Variants in FHL1 observed in about 807,000 individuals in gnomAD.
FHL1 encodes four and a half LIM domains 1, also known as four and a half LIM domains protein 1.
FHL1 carries 1 observed loss-of-function variant against 20.3 expected under a neutral mutation model. The ratio of observed to expected loss-of-function variants is 0.05; its 90% confidence interval spans 0.02 to 0.23. The LOEUF (loss-of-function observed/expected upper bound fraction) is 0.23, where lower values mean the gene tolerates loss of function less well. Among genes scored for constraint, FHL1 ranks in the 10% least tolerant of loss-of-function variants. The pLI is 1.00. For missense variants in FHL1, 177 were observed against 234.0 expected (o/e 0.76, Z 1.59); for synonymous variants, 82 against 88.9 (o/e 0.92, Z 0.44).
Position 136,208,934 on chromosome X carries a change from G to A in FHL1, c.736+293G>A, listed in dbSNP as rs1171335793. 2.9e-4 allele frequency among the ~76,000 whole-genome samples: 30 copies of A among 103,162 alleles called. 1 individual carries two copies. The highest frequency in any genetic ancestry group is 4.8e-4 in the Non-Finnish European group (24 of 50,170). The allele number at this position is 103,162 out of a possible 115,157, so 89.6% of individuals were successfully genotyped here. A position where few individuals can be genotyped will look rare whatever the true frequency, so the allele number is the denominator to read the frequency against. On this transcript the variant is annotated intron_variant, in intron 5 of 5. Coordinates refer to ENST00000370683, the MANE Select transcript of FHL1 (RefSeq NM_001159699.2). Reference sequence around the variant, plus strand: ...CCACTTTGCAGGGGGATTCTGGGGGGAGGGGTGGGAGGAGGGTAGAAAGAA... The same window carrying A: ...CCACTTTGCAGGGGGATTCTGGGGGAAGGGGTGGGAGGAGGGTAGAAAGAA...
At chrX:136,178,555 G>A (rs2073066185) in intron 2 of FHL1, among the ~76,000 whole-genome samples, 1 of 109,048 alleles carries the variant, frequency 9.2e-6, no homozygotes, top group Non-Finnish European at 1.9e-5. Flanking sequence ...GAGATCGCAC[G>A]ACTACACTCC....
At chrX:136,203,205 G>A (rs188441951) in intron 1 of FHL1, among the ~76,000 whole-genome samples, 1 of 112,540 alleles carries the variant, frequency 8.9e-6, no homozygotes, top group East Asian at 2.8e-4. Context: ...ATTCCTAGAA[G>A]TGCCTATTTT....
chrX:136,149,432 T>C, intron 1 of FHL1, among the ~76,000 whole-genome samples: 1 of 112,606 alleles, frequency 8.9e-6, no homozygotes, highest in Admixed American at 9.4e-5. Flanking sequence ...GTCTTTACCT[T>C]CAGTCTTTAA....
In FHL1 at chrX:136,210,415, C is replaced by G; in HGVS notation, c.*390C>G. The G allele has an allele frequency of 5.1e-6, 2 of 395,532 alleles. No individual in the cohort carries two copies. The highest frequency in any genetic ancestry group is 9.5e-6 in the Non-Finnish European group (2 of 211,091). 32.6% of individuals were successfully genotyped at this position (395,532 alleles called of 1,213,427 possible). A position where few individuals can be genotyped will look rare whatever the true frequency, so the allele number is the denominator to read the frequency against. On this transcript the variant is annotated 3_prime_UTR_variant, in exon 6 of 6. Transcript: ENST00000370683. ...CCTCAGCTGGGACCCACCGTGTAGACACACGACATGCAAGAGTTGCAGCGG... is the reference window on the plus strand; with the variant it reads ...CCTCAGCTGGGACCCACCGTGTAGAGACACGACATGCAAGAGTTGCAGCGG...
intron 2 of FHL1, among the ~76,000 whole-genome samples, chrX:136,173,696 CTTTTTTTT>C (rs971227072): frequency 1.1e-5 from 1 of 94,926 alleles, no homozygotes; most frequent in African/African-American, 3.8e-5. Context: ...TGTTTCTTTT[CTTTTTTTT>C]TTTTTTTTTC....
intron 1 of FHL1, among the ~76,000 whole-genome samples, chrX:136,151,569 C>T (rs1399018421): frequency 9.0e-6 from 1 of 111,585 alleles, no homozygotes; most frequent in Non-Finnish European, 1.9e-5. Context: ...AAGAATTAGC[C>T]GGGTGTGGTG....
At chrX:136,193,793 C>T (rs2073488642), upstream of FHL1, among the ~76,000 whole-genome samples, 2 of 110,534 alleles carry the variant, frequency 1.8e-5, no homozygotes, top group Admixed American at 1.9e-4. Flanking sequence ...TCTTCCCTGC[C>T]TCCTCTCTTC....
chrX:136,173,521 C>T (rs1175223948), intron 2 of FHL1, among the ~76,000 whole-genome samples: 2 of 111,438 alleles, frequency 1.8e-5, no homozygotes, highest in Admixed American at 9.5e-5. Flanking sequence ...GGATCTGGCA[C>T]ACAGAGGTGT....
At chrX:136,170,726 CCTTTTTG>C (rs1241541880) in intron 2 of FHL1, among the ~76,000 whole-genome samples, 1 of 110,639 alleles carries the variant, frequency 9.0e-6, no homozygotes, top group African/African-American at 3.3e-5. Flanking sequence ...AATGGTCCCT[CCTTTTTG>C]GTGCCCCGGT....
rs1489368233 is a variant in FHL1 at position 136,207,094 on chromosome X, A to G, written c.283A>G (p.Thr95Ala). 1 of 1,211,254 alleles carries G rather than the reference A, an allele frequency of 8.3e-7. No homozygotes were observed. Among genetic ancestry groups the G allele is most frequent in the Non-Finnish European group, 1.1e-6 (1 of 895,288 alleles). ...AKCLHPLANE[T>A]FVAKDNKILC... is the part of the protein sequence containing the mutation. ...GTGCCTTCACCCCTTGGCCAATGAG[A>G]CCTTTGTGGCCAAGGACAACAAGAT... Residue 95 changes from threonine to alanine, a missense_variant, in exon 3 of 6, where the codon ACC (threonine) becomes GCC (alanine). Transcript: ENST00000370683.
At chrX:136,152,127 A>G (rs893986364) in intron 1 of FHL1, among the ~76,000 whole-genome samples, 2 of 112,231 alleles carry the variant, frequency 1.8e-5, no homozygotes, top group Admixed American at 1.9e-4. Context: ...GACAAGGAGT[A>G]GGGGAAAAGG....
At chrX:136,207,696 T>C in intron 3 of FHL1, 96 bp from the exon 4 acceptor site, 6 of 947,862 alleles carry the variant, frequency 6.3e-6, no homozygotes, top group Non-Finnish European at 9.1e-6. Context: ...AGGGCCTGCA[T>C]CCCCTCACCT....
At chrX:136,186,828 T>G (rs2073301568) in intron 2 of FHL1, among the ~76,000 whole-genome samples, 1 of 97,888 alleles carries the variant, frequency 1.0e-5, no homozygotes, top group African/African-American at 3.8e-5. Context: ...CACTCCAGCC[T>G]GGGCGACAGA....
intron 1 of FHL1, among the ~76,000 whole-genome samples, chrX:136,150,865 A>G (rs1162954767): frequency 8.9e-6 from 1 of 112,380 alleles, no homozygotes; most frequent in East Asian, 2.8e-4. Context: ...TGATGTTTAC[A>G]TTCAGCTTTG....
rs760330614 is a variant in FHL1, at chrX:136,185,643, T to G, written c.-27+15663T>G. Among the ~76,000 whole-genome samples, 4 of 111,955 alleles carry G rather than the reference T, an allele frequency of 3.6e-5. No homozygotes were observed. The South Asian group carries it at 1.5e-3, about 42-fold the overall frequency. ...AGAACATGGGTCACCTGGCTTCAAT[T>G]AGTTATGTGACCTTTAAGAAAACAA... On this transcript the variant is annotated intron_variant, in intron 2 of 6. Coordinates refer to the FHL1 transcript ENST00000394153.
intron 1 of FHL1, among the ~76,000 whole-genome samples, chrX:136,153,877 G>A (rs1569528267): frequency 9.0e-6 from 1 of 111,426 alleles, no homozygotes; most frequent in Non-Finnish European, 1.9e-5. Flanking sequence ...TCTCTAGATG[G>A]AAGTCATGGT....
Position 136,190,232 on chromosome X carries a change from T to G in FHL1, c.-26-16175T>G, listed in dbSNP as rs774491497. ...TCTCCTTGCGTTCTCCTTTCTGGAC[T>G]TCGTGTTCCTGTCATTCTGTTTCAT... On this transcript the variant is annotated intron_variant, in intron 2 of 6. Coordinates refer to the FHL1 transcript ENST00000394153. 3.6e-5 allele frequency among the ~76,000 whole-genome samples: 4 copies of G among 111,565 alleles called. No homozygotes were observed. In the South Asian group the frequency reaches 1.5e-3, roughly 42 times the overall value.
chrX:136,203,824 G>C (rs765130543), intron 1 of FHL1, among the ~76,000 whole-genome samples: 5 of 112,011 alleles, frequency 4.5e-5, no homozygotes, highest in Non-Finnish European at 9.4e-5. Context: ...GTGTTTTCTA[G>C]TGTTTTTTCT....
intron 2 of FHL1, among the ~76,000 whole-genome samples, chrX:136,173,768 C>T (rs779646872): frequency 1.9e-5 from 2 of 106,716 alleles, no homozygotes; most frequent in African/African-American, 6.9e-5. Context: ...GCGTGATCTC[C>T]GCTCATTATA....
Sources: allele counts gnomAD v4.1 joint callset (sites outside exome capture counted in the v4.1 genomes callset), GRCh38; gene constraint gnomAD v4.1.1; transcripts MANE v1.5; gene names NCBI Gene and HGNC (gene_info 2026-07-23, HGNC 2026-07-21).